Variants in AUH observed in about 807,000 individuals in gnomAD.
The protein encoded by AUH is AU RNA binding methylglutaconyl-CoA hydratase, also known as methylglutaconyl-CoA hydratase, mitochondrial.
In AUH, 29 loss-of-function variants were observed where a neutral mutation model predicts 42.3. The observed-to-expected ratio is 0.69, with a 90% CI of 0.51 to 0.93. The LOEUF (loss-of-function observed/expected upper bound fraction) is 0.93, where lower values mean the gene tolerates loss of function less well. Among genes scored for constraint, AUH ranks in the 40% least tolerant of loss-of-function variants. The pLI is 0.00. For synonymous variants in AUH, 174 were observed against 166.4 expected, an observed-to-expected ratio of 1.05 and a Z score of -0.35; for missense variants, 452 against 438.1, an observed-to-expected ratio of 1.03 and a Z score of -0.28.
At chr9:91,331,030 ATTTT>A (rs924364099) in intron 3 of AUH, among the ~76,000 whole-genome samples, 12 of 152,046 alleles carry the variant, frequency 7.9e-5, no homozygotes, top group African/African-American at 2.9e-4. Context: ...TTCAGTTAAA[ATTTT>A]TTTTAAGTTT....
intron 6 of AUH, among the ~76,000 whole-genome samples, chr9:91,262,191 TAAC>T (rs1438065083): frequency 6.6e-6 from 1 of 152,212 alleles, no homozygotes; most frequent in Admixed American, 6.5e-5. Flanking sequence ...TCGAGTTAAC[TAAC>T]ATCATTAAAG....
At chr9:91,262,006 A>T (rs952074972) in intron 6 of AUH, among the ~76,000 whole-genome samples, 5 of 152,212 alleles carry the variant, frequency 3.3e-5, no homozygotes, top group Admixed American at 6.5e-5. Flanking sequence ...AAAGTTACTG[A>T]GTCAGTCAAC....
At chr9:91,307,065 CTGAGGA>C (rs1358393506) in intron 4 of AUH, among the ~76,000 whole-genome samples, 8 of 151,982 alleles carry the variant, frequency 5.3e-5, no homozygotes, top group Non-Finnish European at 1.2e-4. Flanking sequence ...CAGTAATTGC[CTGAGGA>C]TAAGTTGAGG....
intron 6 of AUH, among the ~76,000 whole-genome samples, chr9:91,227,194 T>G (rs1042490327): frequency 4.0e-5 from 6 of 151,234 alleles, no homozygotes; most frequent in Non-Finnish European, 8.9e-5. Context: ...GCATGGAATG[T>G]TCTTCCATTT....
Position 91,341,746 on chromosome 9 carries a change from C to T in AUH, c.418+14137G>A, listed in dbSNP as rs549851964. Among the ~76,000 whole-genome samples the T allele has an allele frequency of 1.7e-4, 26 of 152,278 alleles. No homozygotes were observed. In the South Asian group the frequency reaches 3.9e-3, roughly 23 times the overall value. ...AATGCCAACGAAAGGAGCTTATCTG[C>T]GGGGGAGGCTGACTGATAATCAATA... On this transcript the variant is annotated intron_variant, in intron 3 of 9. Coordinates refer to ENST00000375731, the MANE Select transcript of AUH (RefSeq NM_001698.3).
At chr9:91,344,092 T>C (rs528635611) in intron 3 of AUH, among the ~76,000 whole-genome samples, 166 of 152,128 alleles carry the variant, frequency 1.1e-3, no homozygotes, top group Non-Finnish European at 2.3e-3. Flanking sequence ...AGCATTAACA[T>C]CAACACAGGA....
chr9:91,309,283 A>G (rs763560534), intron 4 of AUH, among the ~76,000 whole-genome samples: 5 of 151,730 alleles, frequency 3.3e-5, no homozygotes, highest in Non-Finnish European at 7.4e-5. Flanking sequence ...GGGGATTACA[A>G]TTCAACATGA....
chr9:91,321,132 C>CT (rs1295302407), intron 4 of AUH, among the ~76,000 whole-genome samples: 1 of 152,070 alleles, frequency 6.6e-6, no homozygotes, highest in Non-Finnish European at 1.5e-5. Flanking sequence ...ACTGATATAT[C>CT]TTTTTTTGGC....
chr9:91,328,061 T>TG (rs1374208305), intron 3 of AUH, among the ~76,000 whole-genome samples: 1 of 152,070 alleles, frequency 6.6e-6, no homozygotes, highest in Non-Finnish European at 1.5e-5. Flanking sequence ...CAGACAGAGG[T>TG]GGCAGGGGCA....
rs761837529 is a variant in AUH, at chr9:91,325,344, T to G, written c.479A>C (p.Lys160Thr). The G allele has an allele frequency of 1.2e-5, 20 of 1,613,746 alleles. No individual in the cohort carries two copies. The highest frequency in any genetic ancestry group is 1.0e-4 in the Admixed American group (6 of 59,988). ...AATATCGTTAATCACTGCTCTTATT[T>G]TGGAGACAAAAGGACCAACTTCACT... ...SSSEVGPFVS[K>T]IRAVINDIAN... The change falls in exon 4 of 10, where the codon AAA becomes ACA. Residue 160 changes from lysine to threonine, a missense_variant. Coordinates refer to ENST00000375731, the MANE Select transcript of AUH (RefSeq NM_001698.3).
At chr9:91,287,423 A>C (rs375035372) in intron 6 of AUH, among the ~76,000 whole-genome samples, 5 of 152,262 alleles carry the variant, frequency 3.3e-5, no homozygotes, top group Admixed American at 2.0e-4. Context: ...GAAAAAGGAC[A>C]CTTGTGAGAA....
chr9:91,309,862 C>A (rs1430003637), intron 4 of AUH, among the ~76,000 whole-genome samples: 5 of 152,202 alleles, frequency 3.3e-5, no homozygotes, highest in African/African-American at 7.2e-5. Flanking sequence ...CACCTTCCTA[C>A]CCTGGGTGGC....
At chr9:91,217,438 T>C in intron 7 of AUH, 111 bp from the exon 8 acceptor site, 1 of 1,176,560 alleles carries the variant, frequency 8.5e-7, no homozygotes, top group Non-Finnish European at 1.2e-6. Flanking sequence ...CAGCCAGCAA[T>C]GGCTGTCAGA....
At chr9:91,334,906 G>A (rs1830590103) in intron 3 of AUH, among the ~76,000 whole-genome samples, 1 of 152,070 alleles carries the variant, frequency 6.6e-6, no homozygotes, top group Non-Finnish European at 1.5e-5. Context: ...AAATAATCAG[G>A]TCAAGATAAC....
intron 6 of AUH, among the ~76,000 whole-genome samples, chr9:91,292,054 C>T (rs554764191): frequency 4.3e-4 from 66 of 151,944 alleles, no homozygotes; most frequent in African/African-American, 1.5e-3. Flanking sequence ...ATCAAAAGAC[C>T]AAAAATTTCA....
Position 91,244,485 on chromosome 9 carries a change from T to A in AUH, c.656-23493A>T, listed in dbSNP as rs570501372. 9.8e-5 allele frequency among the ~76,000 whole-genome samples: 15 copies of A among 152,386 alleles called. No homozygotes were observed. In the East Asian group the frequency reaches 2.9e-3, roughly 29 times the overall value. On this transcript the variant is annotated intron_variant, in intron 6 of 9. Transcript: ENST00000375731. Reference sequence around the variant, plus strand: ...AATAAACATGTTTTAACAAATTTTTTAGTTTTCATATTTCAAAACATTTTA... The same window carrying A: ...AATAAACATGTTTTAACAAATTTTTAAGTTTTCATATTTCAAAACATTTTA...
chr9:91,270,722 T>C (rs2131505245), intron 6 of AUH, among the ~76,000 whole-genome samples: 1 of 152,244 alleles, frequency 6.6e-6, no homozygotes, highest in East Asian at 1.9e-4. Flanking sequence ...CCATATGTGG[T>C]ACCTATCAAA....
chr9:91,251,343 C>T (rs758195941), intron 6 of AUH, among the ~76,000 whole-genome samples: 2 of 152,208 alleles, frequency 1.3e-5, no homozygotes, highest in Non-Finnish European at 2.9e-5. Flanking sequence ...AAAGAAGTTT[C>T]ACCTCCTCTC....
At chr9:91,244,572 C>T (rs889843251) in intron 6 of AUH, among the ~76,000 whole-genome samples, 1 of 152,112 alleles carries the variant, frequency 6.6e-6, no homozygotes, top group African/African-American at 2.4e-5. Context: ...TTTTCCTTCC[C>T]ATCCACATCT....
Sources: gnomAD v4.1 joint callset for allele counts (sites outside exome capture counted in the v4.1 genomes callset) on GRCh38, gnomAD v4.1.1 for gene constraint, MANE v1.5 for transcripts, NCBI Gene and HGNC (gene_info 2026-07-23, HGNC 2026-07-21) for gene names.